DHRSX: variants seen among roughly 807,000 people sequenced by gnomAD.
DHRSX encodes polyprenol dehydrogenase.
Under a neutral mutation model 34.0 loss-of-function variants are expected in DHRSX, and 31 were observed. That is an observed-to-expected ratio of 0.91 (90% CI 0.69 to 1.23). DHRSX has a LOEUF of 1.23. Ranked by LOEUF, DHRSX falls within the 50% of genes most tolerant of loss-of-function variation. The probability of loss-of-function intolerance (pLI) is 0.00; values close to 1 mark genes in which losing one functional copy is unlikely to be tolerated. For synonymous variants in DHRSX, 201 were observed against 183.8 expected (o/e 1.09, Z -0.76); for missense variants, 414 against 428.1 (o/e 0.97, Z 0.29).
At chrX:2,251,540 T>C (rs887772043) in intron 5 of DHRSX, among the ~76,000 whole-genome samples, 1 of 152,176 alleles carries the variant, frequency 6.6e-6, no homozygotes, top group African/African-American at 2.4e-5. Context: ...TGAGGTCCCA[T>C]TCCAGCCCTG....
chrX:2,287,602 T>C (rs1275718259), intron 4 of DHRSX, among the ~76,000 whole-genome samples: 130 of 106,026 alleles, frequency 1.2e-3, no homozygotes, highest in South Asian at 2.5e-3. Context: ...AAGATGTCCA[T>C]ATCCAAATCC....
At chrX:2,337,919 A>G (rs1311320549) in intron 3 of DHRSX, 1 of 151,610 alleles carries the variant, frequency 6.6e-6, no homozygotes. Flanking sequence ...TGTTACTCTG[A>G]GGATCAGCGT....
At chrX:2,339,839 G>A (rs2042618628) in intron 3 of DHRSX, among the ~76,000 whole-genome samples, 1 of 152,086 alleles carries the variant, frequency 6.6e-6, no homozygotes, top group South Asian at 2.1e-4. Flanking sequence ...ACGTGTGCAT[G>A]TGTCTTTATA....
chrX:2,448,474 C>T (rs1191701089), intron 1 of DHRSX, among the ~76,000 whole-genome samples: 10 of 150,292 alleles, frequency 6.7e-5, no homozygotes, highest in African/African-American at 2.5e-4. Flanking sequence ...CATATTCTGA[C>T]CACAAAAAAA....
chrX:2,488,945 G>C (rs750777865), intron 1 of DHRSX: 4 of 1,597,788 alleles, frequency 2.5e-6, no homozygotes, highest in Non-Finnish European at 3.4e-6. Flanking sequence ...CAGGCGGTCT[G>C]ACCACCACTT....
chrX:2,294,413 G>A (rs1014434450), intron 3 of DHRSX, among the ~76,000 whole-genome samples: 2 of 152,024 alleles, frequency 1.3e-5, no homozygotes, highest in Non-Finnish European at 1.5e-5. Context: ...CTGTGGTGGT[G>A]CACACCTGTA....
chrX:2,402,607 C>T (rs2043499834), intron 3 of DHRSX, among the ~76,000 whole-genome samples: 1 of 152,196 alleles, frequency 6.6e-6, no homozygotes, highest in Non-Finnish European at 1.5e-5. Context: ...TGGGCCTCAG[C>T]ATCATCTATC....
intron 3 of DHRSX, among the ~76,000 whole-genome samples, chrX:2,297,919 C>A (rs1273753679): frequency 6.6e-6 from 1 of 151,954 alleles, no homozygotes; most frequent in African/African-American, 2.4e-5. Flanking sequence ...CCACGCCCGG[C>A]TTATTTTTGT....
At chrX:2,307,835 C>T (rs1423387048) in intron 3 of DHRSX, among the ~76,000 whole-genome samples, 17 of 151,112 alleles carry the variant, frequency 1.1e-4, no homozygotes, top group Non-Finnish European at 2.2e-4. Context: ...GAGTATGAGG[C>T]TTCAAGCCCA....
At chrX:2,350,756 G>A (rs745959458) in intron 3 of DHRSX, among the ~76,000 whole-genome samples, 8 of 152,116 alleles carry the variant, frequency 5.3e-5, no homozygotes, top group East Asian at 1.9e-4. Flanking sequence ...GCGTTTGACC[G>A]TGATAAAATA....
At chrX:2,419,881 A>G (rs1227195499) in intron 2 of DHRSX, among the ~76,000 whole-genome samples, 1 of 151,700 alleles carries the variant, frequency 6.6e-6, no homozygotes, top group East Asian at 1.9e-4. Context: ...TGACGAGTTA[A>G]TAGGTGCAGC....
chrX:2,392,525 AT>A (rs2043346884), intron 3 of DHRSX: 1 of 222,736 alleles, frequency 4.5e-6, no homozygotes, highest in Admixed American at 5.5e-5. Context: ...GTATATATTA[AT>A]TTTATATTTT....
intron 4 of DHRSX, among the ~76,000 whole-genome samples, chrX:2,269,556 G>A (rs1411963712): frequency 6.6e-6 from 1 of 152,004 alleles, no homozygotes; most frequent in Non-Finnish European, 1.5e-5. Flanking sequence ...TATTTTTTGA[G>A]GAGGAGTTTC....
chrX:2,475,056 T>C (rs1229116591), intron 1 of DHRSX, among the ~76,000 whole-genome samples: 2 of 151,638 alleles, frequency 1.3e-5, no homozygotes, highest in African/African-American at 4.8e-5. Flanking sequence ...AGACATTCCC[T>C]AGGAATGTGG....
At chrX:2,408,118 T>A (rs2043581131) in intron 3 of DHRSX, among the ~76,000 whole-genome samples, 1 of 140,106 alleles carries the variant, frequency 7.1e-6, no homozygotes, top group Non-Finnish European at 1.6e-5. Context: ...TTTTTCTTTC[T>A]TTCTTTTTTT....
At chrX:2,488,732 T>C (rs1010929970) in intron 1 of DHRSX, 8 of 1,613,806 alleles carry the variant, frequency 5.0e-6, no homozygotes, top group African/African-American at 1.3e-5. Context: ...CTCCCCCTCG[T>C]CCTGGTCCTC....
At chrX:2,316,108 G>A (rs373832907) in intron 3 of DHRSX, among the ~76,000 whole-genome samples, 4 of 151,890 alleles carry the variant, frequency 2.6e-5, no homozygotes, top group African/African-American at 7.2e-5. Flanking sequence ...GTGATCCACC[G>A]GCCTTGGCCT....
At chrX:2,236,360 G>C (rs2016015508) in intron 6 of DHRSX, among the ~76,000 whole-genome samples, 1 of 152,168 alleles carries the variant, frequency 6.6e-6, no homozygotes, top group East Asian at 1.9e-4. Context: ...GGAGGAAACA[G>C]CCAGGGCTGA....
rs1387939805 is a variant in DHRSX at position 2,229,743 on chromosome X, A to G, written c.805-8514T>C. Among the ~76,000 whole-genome samples the G allele has an allele frequency of 3.3e-5, 5 of 151,208 alleles. No individual in the cohort carries two copies. The East Asian group carries it at 1.0e-3, about 30-fold the overall frequency. On this transcript the variant is annotated intron_variant, in intron 6 of 6. Coordinates refer to ENST00000334651, the MANE Select transcript of DHRSX (RefSeq NM_145177.3). ...TGTATTCATGCATGTGTTTGGATAA[A>G]TATATGTGCATGCATGTGTGTGGGG...
Sources: gnomAD v4.1 joint callset for allele counts (sites outside exome capture counted in the v4.1 genomes callset) on GRCh38, gnomAD v4.1.1 for gene constraint, MANE v1.5 for transcripts, NCBI Gene and HGNC (gene_info 2026-07-23, HGNC 2026-07-21) for gene names.